The following ATP6V0A1 variants were observed in gnomAD, a reference collection of about 807,000 sequenced individuals.
The protein encoded by ATP6V0A1 is V-type proton ATPase 116 kDa subunit a 1.
A neutral mutation model predicts 105.4 loss-of-function variants in ATP6V0A1; 43 were observed. The ratio of observed to expected loss-of-function variants is 0.41; its 90% confidence interval spans 0.32 to 0.53. The LOEUF is 0.53. Among genes scored for constraint, ATP6V0A1 ranks in the 20% least tolerant of loss-of-function variants. The probability of loss-of-function intolerance (pLI) is 0.30; values close to 1 mark genes in which losing one functional copy is unlikely to be tolerated. For synonymous variants in ATP6V0A1, 362 were observed against 372.8 expected (o/e 0.97, Z 0.33); for missense variants, 676 against 1,051.1 (o/e 0.64, Z 4.93).
intron 8 of ATP6V0A1, among the ~76,000 whole-genome samples, chr17:42,482,120 T>G (rs896346521): frequency 6.6e-6 from 1 of 152,082 alleles, no homozygotes; most frequent in African/African-American, 2.4e-5. Context: ...GTATTACAGG[T>G]GTAAGCCACT....
chr17:42,512,970 C>T (rs905303178), intron 19 of ATP6V0A1, among the ~76,000 whole-genome samples: 1 of 152,206 alleles, frequency 6.6e-6, no homozygotes, highest in Non-Finnish European at 1.5e-5. Flanking sequence ...GGGAAAGTAC[C>T]TGGGGCTTCC....
intron 2 of ATP6V0A1, among the ~76,000 whole-genome samples, chr17:42,465,679 T>C (rs1324854451): frequency 6.6e-6 from 1 of 151,624 alleles, no homozygotes; most frequent in Non-Finnish European, 1.5e-5. Flanking sequence ...AAATTACTTA[T>C]GGTGCCAGAC....
chr17:42,502,513 C>T (rs1787326470), intron 17 of ATP6V0A1, among the ~76,000 whole-genome samples: 1 of 152,158 alleles, frequency 6.6e-6, no homozygotes, highest in South Asian at 2.1e-4. Context: ...CACACACACA[C>T]ACAGAGTTAA....
chr17:42,493,067 A>G (rs1296056464), intron 11 of ATP6V0A1, among the ~76,000 whole-genome samples: 1 of 152,190 alleles, frequency 6.6e-6, no homozygotes. Context: ...TCACAGCCCT[A>G]AAACACCTGG....
chr17:42,491,664 G>GT (rs2090639075), intron 11 of ATP6V0A1, among the ~76,000 whole-genome samples: 1 of 152,032 alleles, frequency 6.6e-6, no homozygotes, highest in Non-Finnish European at 1.5e-5. Flanking sequence ...TGTATTTTTA[G>GT]TCGAGACGGG....
intron 11 of ATP6V0A1, among the ~76,000 whole-genome samples, chr17:42,491,031 T>A (rs1054077599): frequency 2.6e-5 from 4 of 152,072 alleles, no homozygotes; most frequent in Non-Finnish European, 5.9e-5. Context: ...GGCTAATTTT[T>A]AAAATTTTTT....
chr17:42,508,268 G>A (rs1461379831), intron 18 of ATP6V0A1, among the ~76,000 whole-genome samples: 1 of 152,124 alleles, frequency 6.6e-6, no homozygotes, highest in Non-Finnish European at 1.5e-5. Flanking sequence ...TCTTTTTAAA[G>A]CAAATAAAAT....
Position 42,497,714 on chromosome 17 carries a change from G to A in ATP6V0A1, c.1561-1210G>A, listed in dbSNP as rs562521784. Among the ~76,000 whole-genome samples the A allele has an allele frequency of 4.6e-5, 7 of 150,552 alleles. No individual in the cohort carries two copies. The South Asian group carries it at 1.0e-3, about 23-fold the overall frequency. ...AAGAAATCATTGTTAATGCATTTAC[G>A]TGTGATGACAATATTGTGGTCATGT... is the stretch of plus-strand genomic sequence containing the variant. On this transcript the variant is annotated intron_variant, in intron 14 of 21. Coordinates refer to ENST00000343619, the MANE Select transcript of ATP6V0A1 (RefSeq NM_001130021.3).
At chr17:42,514,639 G>T (rs2092521814) in intron 21 of ATP6V0A1, among the ~76,000 whole-genome samples, 179 bp downstream of exon 21, 1 of 152,176 alleles carries the variant, frequency 6.6e-6, no homozygotes, top group Admixed American at 6.5e-5. Context: ...TCGGAAAATG[G>T]TCACAGAAAA....
intron 17 of ATP6V0A1, among the ~76,000 whole-genome samples, chr17:42,503,070 G>C (rs1320243882): frequency 2.6e-5 from 4 of 152,188 alleles, no homozygotes; most frequent in African/African-American, 7.2e-5. Flanking sequence ...GGTCTACTAA[G>C]TTTCTATTCA....
intron 9 of ATP6V0A1, among the ~76,000 whole-genome samples, chr17:42,485,539 G>GTTTGTTTTGTTTTGTTTTGT (rs369394543): frequency 6.6e-6 from 1 of 151,378 alleles, no homozygotes; most frequent in South Asian, 2.1e-4. Flanking sequence ...TGTTTTGTTT[G>GTTTGTTTTGTTTTGTTTTGT]TTTGTTTTGT....
At chr17:42,510,324 C>T (rs1371555191) in intron 19 of ATP6V0A1, 1 of 152,302 alleles carries the variant, frequency 6.6e-6, no homozygotes, top group Non-Finnish European at 1.5e-5. Context: ...CTTCAAAGAC[C>T]TCCCAAAGTG....
In ATP6V0A1 at chr17:42,508,596, T is replaced by G; in HGVS notation, c.2130+7T>G. On this transcript the variant is annotated splice_region_variant and intron_variant, in intron 19 of 21. Coordinates refer to ENST00000343619, the MANE Select transcript of ATP6V0A1 (RefSeq NM_001130021.3). Reference sequence around the variant, plus strand: ...GCCTTCCGAGGACGAAGTGGTAAGATGAAAGCTGGCGTTGCCTTCGTGTTT... The same window carrying G: ...GCCTTCCGAGGACGAAGTGGTAAGAGGAAAGCTGGCGTTGCCTTCGTGTTT... 2 of 1,614,006 alleles carry G rather than the reference T, an allele frequency of 1.2e-6. No homozygotes were observed. Among genetic ancestry groups the G allele is most frequent in the Non-Finnish European group, 1.7e-6 (2 of 1,179,902 alleles).
rs753796165 is a variant in ATP6V0A1 at position 42,495,131 on chromosome 17, C to G, written c.1412C>G (p.Ser471Cys). The change falls in exon 13 of 22, where the codon TCT becomes TGT. Residue 471 changes from serine to cysteine, a missense_variant. By Grantham distance (112) the Ser-to-Cys change is moderately radical (BLOSUM62 -1). Transcript: ENST00000343619. ...GLIYNDCFSK[S>C]LNIFGSSWSV... ...ATCTACAATGATTGCTTTTCCAAGT[C>G]TCTTAATATCTTTGGGTCATCCTGG... 3 of 1,614,048 alleles carry G rather than the reference C, an allele frequency of 1.9e-6. No individual in the cohort carries two copies. Among genetic ancestry groups the G allele is most frequent in the Non-Finnish European group, 2.5e-6 (3 of 1,179,938 alleles).
At chr17:42,475,354 C>T (rs942099343) in intron 5 of ATP6V0A1, among the ~76,000 whole-genome samples, 2 of 152,094 alleles carry the variant, frequency 1.3e-5, no homozygotes, top group African/African-American at 4.8e-5. Flanking sequence ...ATGGAGAAAC[C>T]AGAGGGCATA....
chr17:42,466,554 G>C (rs1445534737), intron 3 of ATP6V0A1, 47 bp downstream of exon 3: 3 of 1,501,434 alleles, frequency 2.0e-6, no homozygotes, highest in East Asian at 4.6e-5. Context: ...TGAATCATTT[G>C]TCTTAGATTA....
chr17:42,459,159 C>G (rs1166435447), intron 1 of ATP6V0A1, 196 bp downstream of exon 1: 2 of 152,252 alleles, frequency 1.3e-5, no homozygotes, highest in African/African-American at 4.8e-5. Flanking sequence ...TTTGGAAGCC[C>G]CGCATCTCTT....
intron 3 of ATP6V0A1, among the ~76,000 whole-genome samples, chr17:42,466,902 C>T (rs1363291151): frequency 1.3e-5 from 2 of 152,086 alleles, no homozygotes; most frequent in Non-Finnish European, 2.9e-5. Context: ...AATCCCAGCA[C>T]TTTGGGAGGC....
At chr17:42,466,577 C>G in intron 3 of ATP6V0A1, 70 bp downstream of exon 3, 2 of 1,299,654 alleles carry the variant, frequency 1.5e-6, no homozygotes, top group Non-Finnish European at 2.2e-6. Flanking sequence ...GACATTAGTC[C>G]TCTTAATAGA....
Sources: gnomAD v4.1 joint callset for allele counts (sites outside exome capture counted in the v4.1 genomes callset) on GRCh38, gnomAD v4.1.1 for gene constraint, MANE v1.5 for transcripts, NCBI Gene and HGNC (gene_info 2026-07-23, HGNC 2026-07-21) for gene names.